SUSD1: variants seen among roughly 807,000 people sequenced by gnomAD.
The protein encoded by SUSD1 is sushi domain-containing protein 1.
A neutral mutation model predicts 86.9 loss-of-function variants in SUSD1; 65 were observed. That is an observed-to-expected ratio of 0.75 (90% CI 0.61 to 0.92). The LOEUF (loss-of-function observed/expected upper bound fraction) is 0.92. Among genes scored for constraint, SUSD1 ranks in the 40% least tolerant of loss-of-function variants. The pLI is 0.00. For missense variants in SUSD1, 850 were observed against 929.7 expected (o/e 0.91, Z 1.11); for synonymous variants, 346 against 350.0 (o/e 0.99, Z 0.13).
intron 3 of SUSD1, among the ~76,000 whole-genome samples, chr9:112,147,269 G>A (rs1832843252): frequency 6.6e-6 from 1 of 152,218 alleles, no homozygotes; most frequent in Admixed American, 6.5e-5. Context: ...CACTTTGGGA[G>A]GCCGAGGCAG....
At chr9:112,045,545 T>C (rs1251432029) in intron 15 of SUSD1, among the ~76,000 whole-genome samples, 1 of 152,204 alleles carries the variant, frequency 6.6e-6, no homozygotes, top group African/African-American at 2.4e-5. Context: ...AATTACTGAC[T>C]CTGTGCAAGA....
chr9:112,118,333 TA>T (rs1020107866), intron 6 of SUSD1, among the ~76,000 whole-genome samples: 4 of 152,224 alleles, frequency 2.6e-5, no homozygotes, highest in Non-Finnish European at 5.9e-5. Context: ...CCTACTTGAA[TA>T]AATGTATGTT....
intron 5 of SUSD1, among the ~76,000 whole-genome samples, chr9:112,125,203 T>A (rs964832055): frequency 6.6e-6 from 1 of 151,946 alleles, no homozygotes; most frequent in African/African-American, 2.4e-5. Context: ...GGCAGACAGG[T>A]TTTACAGAAA....
intron 1 of SUSD1, among the ~76,000 whole-genome samples, chr9:112,165,802 AAGAGAG>A (rs531133862): frequency 6.6e-6 from 1 of 150,612 alleles, no homozygotes; most frequent in African/African-American, 2.4e-5. Flanking sequence ...GAAAGAGAGA[AAGAGAG>A]AGAGAGAAAA....
chr9:112,048,126 C>T (rs1828034882), intron 15 of SUSD1, among the ~76,000 whole-genome samples: 1 of 152,180 alleles, frequency 6.6e-6, no homozygotes, highest in South Asian at 2.1e-4. Context: ...TTCTTTGAAG[C>T]TCCAACTTCC....
In SUSD1 at chr9:112,149,227, GC is replaced by G. The variant is rs776526779; in HGVS notation, c.373+16del. On this transcript the variant is annotated intron_variant, in intron 3 of 16. Transcript: ENST00000374270. ...GCCATCGCCAATTGTCAACACCGCA[GC>G]CCCCTTCTTGAGTACCTGTACAAAA... The G allele has an allele frequency of 1.1e-4, 174 of 1,613,308 alleles. No homozygotes were observed. Among genetic ancestry groups the G allele is most frequent in the Non-Finnish European group, 1.5e-4 (172 of 1,179,506 alleles).
At chr9:112,131,748 C>T (rs1832043835) in intron 5 of SUSD1, among the ~76,000 whole-genome samples, 1 of 152,208 alleles carries the variant, frequency 6.6e-6, no homozygotes, top group Admixed American at 6.5e-5. Flanking sequence ...ATTTGCATTG[C>T]ATATGCATAG....
At chr9:112,122,283 C>T (rs1324790621) in intron 6 of SUSD1, among the ~76,000 whole-genome samples, 1 of 152,198 alleles carries the variant, frequency 6.6e-6, no homozygotes, top group African/African-American at 2.4e-5. Flanking sequence ...GCATCAGCCA[C>T]CTGAGTACTG....
Position 112,175,078 on chromosome 9 carries a change from G to C in SUSD1, c.103+55C>G. On this transcript the variant is annotated intron_variant, in intron 1 of 16. Coordinates refer to ENST00000374270, the MANE Select transcript of SUSD1 (RefSeq NM_022486.5). This position sits in a 1 kb window ranked among gnomAD's most constrained non-coding sequence, Gnocchi z 4.7. Reference sequence around the variant, plus strand: ...AAGCGTCCGTGCGCCCAGAGTCCTCGAGGCCCAGCCGGGGGCCCCGCCGGC... The same window carrying C: ...AAGCGTCCGTGCGCCCAGAGTCCTCCAGGCCCAGCCGGGGGCCCCGCCGGC... 1 of 999,244 alleles carries C rather than the reference G, an allele frequency of 1.0e-6. No individual in the cohort carries two copies. Among genetic ancestry groups the C allele is most frequent in the Non-Finnish European group, 1.2e-6 (1 of 840,068 alleles). The allele number at this position is 999,244 out of a possible 1,614,324, so 61.9% of individuals were successfully genotyped here. A position where few individuals can be genotyped will look rare whatever the true frequency, so the allele number is the denominator to read the frequency against.
At chr9:112,134,768 TAA>T (rs552281974) in intron 5 of SUSD1, among the ~76,000 whole-genome samples, 245 of 143,292 alleles carry the variant, frequency 1.7e-3, no homozygotes, top group African/African-American at 5.2e-3. Context: ...TGAAATTATT[TAA>T]AAAAAAAAAA....
chr9:112,125,114 A>C (rs1346663166), intron 5 of SUSD1, among the ~76,000 whole-genome samples: 3 of 152,178 alleles, frequency 2.0e-5, no homozygotes, highest in South Asian at 2.1e-4. Flanking sequence ...AATTTTAAAA[A>C]ATCGATCCGT....
At chr9:112,064,711 A>C (rs1371806726) in intron 12 of SUSD1, among the ~76,000 whole-genome samples, 1 of 152,152 alleles carries the variant, frequency 6.6e-6, no homozygotes, top group East Asian at 1.9e-4. Context: ...CTCTGTCTCT[A>C]CTAAAGATGC....
chr9:112,099,174 T>C (rs1830525418), intron 9 of SUSD1, among the ~76,000 whole-genome samples: 1 of 151,982 alleles, frequency 6.6e-6, no homozygotes. Context: ...TCCCGAGTAG[T>C]TGGAACTACA....
intron 1 of SUSD1, among the ~76,000 whole-genome samples, chr9:112,167,913 C>T (rs983633671): frequency 6.6e-6 from 1 of 152,180 alleles, no homozygotes; most frequent in Non-Finnish European, 1.5e-5. Flanking sequence ...GCAGCAGCAA[C>T]AGAGAATGAG....
intron 9 of SUSD1, among the ~76,000 whole-genome samples, chr9:112,100,857 G>GACACACACACACACACACACACACACAC (rs5899985): frequency 7.1e-6 from 1 of 140,424 alleles, no homozygotes; most frequent in African/African-American, 2.7e-5. Flanking sequence ...ATTGTACCTG[G>GACACACACACACACACACACACACACAC]ACACACACAC....
chr9:112,082,674 C>T (rs1829819164), intron 10 of SUSD1, among the ~76,000 whole-genome samples: 1 of 152,050 alleles, frequency 6.6e-6, no homozygotes, highest in Admixed American at 6.6e-5. Flanking sequence ...CACTTCCGAC[C>T]TCCAGAACTA....
At chr9:112,078,793 C>T (rs1589621323) in intron 11 of SUSD1, 69 bp from the exon 12 acceptor site, 2 of 1,259,620 alleles carry the variant, frequency 1.6e-6, no homozygotes, top group Non-Finnish European at 2.2e-6. Flanking sequence ...GAAACCTCCC[C>T]TTTTCCTTTT....
intron 2 of SUSD1, among the ~76,000 whole-genome samples, chr9:112,151,492 G>A (rs1423809421): frequency 6.6e-6 from 1 of 151,588 alleles, no homozygotes. Context: ...AACTACTCAG[G>A]AGGCTGAGGC....
At chr9:112,046,349 T>C (rs1362392097) in intron 15 of SUSD1, among the ~76,000 whole-genome samples, 1 of 152,242 alleles carries the variant, frequency 6.6e-6, no homozygotes, top group Non-Finnish European at 1.5e-5. Flanking sequence ...TCTGAATCAC[T>C]TGTAGAATAT....
Sources: allele counts gnomAD v4.1 joint callset (sites outside exome capture counted in the v4.1 genomes callset), GRCh38; gene constraint gnomAD v4.1.1; non-coding constraint Gnocchi (gnomAD v3.1); transcripts MANE v1.5; gene names NCBI Gene and HGNC (gene_info 2026-07-23, HGNC 2026-07-21).